Variants in MGA observed in about 807,000 individuals in gnomAD.
MGA encodes MAX dimerization protein MGA, also known as MAX gene-associated protein.
A neutral mutation model predicts 261.1 loss-of-function variants in MGA; 40 were observed. The ratio of observed to expected loss-of-function variants is 0.15; its 90% CI spans 0.12 to 0.20. The LOEUF is 0.20. Among genes scored for constraint, MGA ranks in the 10% least tolerant of loss-of-function variants. The pLI is 1.00. For synonymous variants in MGA, 1,302 were observed against 1,290.6 expected, an observed-to-expected ratio of 1.01 and a Z score of -0.19; for missense variants, 3,397 against 3,630.5, an observed-to-expected ratio of 0.94 and a Z score of 1.65.
intron 9 of MGA, among the ~76,000 whole-genome samples, chr15:41,717,179 C>G (rs932851201): frequency 2.6e-5 from 4 of 152,066 alleles, no homozygotes; most frequent in Non-Finnish European, 4.4e-5. Flanking sequence ...TTAATTCTGC[C>G]TCCTTGTTGT....
At chr15:41,725,382 A>G (rs1165863839) in intron 9 of MGA, among the ~76,000 whole-genome samples, 2 of 152,150 alleles carry the variant, frequency 1.3e-5, no homozygotes, top group African/African-American at 2.4e-5. Flanking sequence ...AAGACCTAAA[A>G]TTTATTTTTA....
chr15:41,729,874 T>G (rs1403013263), intron 11 of MGA, among the ~76,000 whole-genome samples: 1 of 152,012 alleles, frequency 6.6e-6, no homozygotes, highest in East Asian at 1.9e-4. Context: ...TCTTTTCTTT[T>G]TTGTTATAAT....
intron 9 of MGA, among the ~76,000 whole-genome samples, chr15:41,722,380 C>T (rs936944527): frequency 4.6e-5 from 7 of 152,092 alleles, no homozygotes; most frequent in South Asian, 2.1e-4. Context: ...CCGCCTGCCT[C>T]GGCCTCCCAA....
intron 16 of MGA, 21 bp from the exon 17 acceptor site, chr15:41,749,090 C>A (rs2062682475): frequency 6.3e-7 from 1 of 1,587,464 alleles, no homozygotes. Context: ...TTAAAAATTT[C>A]TCTCTTATTT....
In MGA at chr15:41,689,446, TA is replaced by T. The variant is rs530240561; in HGVS notation, c.1065-6622del. 4.7e-3 allele frequency among the ~76,000 whole-genome samples: 710 copies of T among 151,872 alleles called. 6 individuals carry two copies. Among genetic ancestry groups the T allele is most frequent in the African/African-American group, 0.017 (687 of 41,476 alleles). The stretch of plus-strand genomic sequence containing the variant: ...CCCTCTCTCCTTCTCTCCTTAAAAA[TA>T]AAAAAAGTCAGTAGTCATTTAAATA... On this transcript the variant is annotated intron_variant, in intron 2 of 23. Transcript: ENST00000219905.
rs2059551843 is a variant in MGA, at chr15:41,696,394, G to T, written c.1384G>T (p.Asp462Tyr). 6.2e-7 allele frequency: 1 copy of T among 1,613,946 alleles called. No individual in the cohort carries two copies. The highest frequency in any genetic ancestry group is 1.1e-5 in the South Asian group (1 of 91,080). ...TGCTAAAGCTAAAATGTTCAAATTA[G>T]ACACTGGAAAGATGCCAGTAGTCTA... Residue 462 changes from aspartate (D) to tyrosine (Y), a missense_variant, in exon 3 of 24, where the codon GAC becomes TAC. Physicochemically the swap from Asp to Tyr is radical, Grantham distance 160. Around this residue, in one of 9 missense-constraint regions of MGA, gnomAD observed 563 missense variants for 563.6 expected, o/e 1.00. Coordinates refer to ENST00000219905, the MANE Select transcript of MGA (RefSeq NM_001164273.2).
Position 41,696,914 on chromosome 15 carries a change from C to G in MGA, c.1904C>G (p.Ser635Cys). Residue 635 changes from serine to cysteine, a missense_variant, in exon 3 of 24, where the codon TCT (serine) becomes TGT (cysteine). By Grantham distance (112) the Ser-to-Cys change is moderately radical. Transcript: ENST00000219905. Reference sequence around the variant, plus strand: ...CGACCACCTAAGAACACAGGAAAGTCTTTAATTTCTACAAAGAATACACCT... The same window carrying G: ...CGACCACCTAAGAACACAGGAAAGTGTTTAATTTCTACAAAGAATACACCT... 1 of 1,600,370 alleles carries G rather than the reference C, an allele frequency of 6.2e-7. No individual in the cohort carries two copies. The highest frequency in any genetic ancestry group is 1.7e-5 in the Admixed American group (1 of 57,792).
At chr15:41,730,521 C>T (rs987742055) in intron 11 of MGA, among the ~76,000 whole-genome samples, 1 of 151,944 alleles carries the variant, frequency 6.6e-6, no homozygotes, top group Non-Finnish European at 1.5e-5. Context: ...AAATATGCAC[C>T]CTGTACCAAC....
At chr15:41,650,794 C>T (rs543702808) in intron 1 of MGA, among the ~76,000 whole-genome samples, 1 of 152,076 alleles carries the variant, frequency 6.6e-6, no homozygotes, top group African/African-American at 2.4e-5. Context: ...GAGTAGGGAT[C>T]TAAATGTTCA....
At chr15:41,648,505 T>TGA (rs1184143356) in intron 1 of MGA, among the ~76,000 whole-genome samples, 3 of 152,174 alleles carry the variant, frequency 2.0e-5, no homozygotes, top group Non-Finnish European at 4.4e-5. Context: ...CAGGGTACTT[T>TGA]GAGAGAGAAT....
At chr15:41,762,461 G>GTTTGTTTTTTTTTT (rs2063523987) in intron 22 of MGA, 99 bp downstream of exon 22, 3 of 125,094 alleles carry the variant, frequency 2.4e-5, no homozygotes, top group African/African-American at 2.0e-4. Flanking sequence ...GTTTTGTGTG[G>GTTTGTTTTTTTTTT]TTTTTTTTTT....
At chr15:41,710,258 A>T (rs2060322520) in intron 7 of MGA, among the ~76,000 whole-genome samples, 1 of 152,162 alleles carries the variant, frequency 6.6e-6, no homozygotes, top group African/African-American at 2.4e-5. Context: ...ATATAATGTG[A>T]TAGTTTTAGA....
At chr15:41,697,150 G>T in intron 3 of MGA, 127 bp downstream of exon 3, 1 of 757,920 alleles carries the variant, frequency 1.3e-6, no homozygotes, top group South Asian at 2.4e-5. Context: ...ATGGGGGGTG[G>T]AGTTGGGAGG....
intron 2 of MGA, among the ~76,000 whole-genome samples, chr15:41,673,253 T>A (rs1282536593): frequency 6.6e-6 from 1 of 152,158 alleles, no homozygotes; most frequent in Admixed American, 6.6e-5. Context: ...AGTCTTGCCC[T>A]GTTGCCCAGG....
intron 2 of MGA, among the ~76,000 whole-genome samples, chr15:41,680,653 C>A (rs560757495): frequency 6.6e-6 from 1 of 152,120 alleles, no homozygotes; most frequent in Admixed American, 6.5e-5. Flanking sequence ...CAAGTTAGGA[C>A]CAGCCTAATG....
intron 1 of MGA, among the ~76,000 whole-genome samples, chr15:41,623,701 T>A (rs1394871426): frequency 1.4e-5 from 2 of 147,334 alleles, no homozygotes; most frequent in East Asian, 3.9e-4. Flanking sequence ...CACTCCAGCC[T>A]GGGCAACAAG....
chr15:41,753,052 A>T (rs1292072296), intron 17 of MGA, among the ~76,000 whole-genome samples: 1 of 152,172 alleles, frequency 6.6e-6, no homozygotes, highest in African/African-American at 2.4e-5. Flanking sequence ...ACTGTGAGGG[A>T]AGTTGTAAAT....
chr15:41,749,363 A>G lies in MGA; in HGVS notation c.5756A>G (p.Glu1919Gly), dbSNP rs1173981222. 3 of 1,614,026 alleles carry G rather than the reference A, an allele frequency of 1.9e-6. No individual in the cohort carries two copies. In the Admixed American group the frequency reaches 5.0e-5, roughly 27 times the overall value. Residue 1919 changes from glutamate to glycine, a missense_variant, in exon 17 of 24, where the codon GAA (glutamate) becomes GGA (glycine). By Grantham distance (98) the Glu-to-Gly change is moderately conservative. Transcript: ENST00000219905. ...AGCTTTGCAAGTAAAACAGGCTCTG[A>G]AACCAAAATAACTTATAGCTCAGGA...
At position 41,749,396 on chromosome 15, in the gene MGA, C is replaced by G. The variant is rs775235013; in HGVS notation, c.5789C>G (p.Pro1930Arg). The G allele has an allele frequency of 3.1e-6, 5 of 1,613,862 alleles. No individual in the cohort carries two copies. The highest frequency in any genetic ancestry group is 4.2e-6 in the Non-Finnish European group (5 of 1,179,902). The change falls in exon 17 of 24, where the codon CCT becomes CGT. Residue 1930 changes from proline (P) to arginine (R), a missense_variant. Pro to Arg is a moderately radical substitution (Grantham distance 103). Transcript: ENST00000219905. The stretch of plus-strand genomic sequence containing the variant: ...ATAACTTATAGCTCAGGAGGACAGC[C>G]TGTTGGTACAGCCAGTCTTATTCCT...
Sources: allele counts gnomAD v4.1 joint callset (sites outside exome capture counted in the v4.1 genomes callset), GRCh38; gene constraint gnomAD v4.1.1; regional missense constraint gnomAD v4.1.1; transcripts MANE v1.5; gene names NCBI Gene and HGNC (gene_info 2026-07-23, HGNC 2026-07-21).